The following FNDC7 variants were observed in gnomAD, a reference collection of about 807,000 sequenced individuals.
FNDC7 encodes the protein fibronectin type III domain-containing protein 7.
FNDC7 carries 66 observed loss-of-function variants against 74.2 expected under a neutral mutation model. That is an observed-to-expected ratio of 0.89 (90% CI 0.73 to 1.09). The LOEUF is 1.09. Among genes scored for constraint, FNDC7 ranks in the 50% least tolerant of loss-of-function variants. The pLI, the probability that FNDC7 is intolerant of heterozygous loss-of-function variation, is 0.00. For synonymous variants in FNDC7, 307 were observed against 330.2 expected, an observed-to-expected ratio of 0.93 and a Z score of 0.76; for missense variants, 829 against 893.4, an observed-to-expected ratio of 0.93 and a Z score of 0.92.
intron 5 of FNDC7, among the ~76,000 whole-genome samples, chr1:108,723,980 T>C (rs1661150260): frequency 2.0e-5 from 3 of 152,216 alleles, no homozygotes; most frequent in African/African-American, 7.2e-5. Flanking sequence ...GTCATGATCA[T>C]AGGGATGACC....
At chr1:108,714,205 A>G (rs1660927035) in intron 2 of FNDC7, among the ~76,000 whole-genome samples, 1 of 152,238 alleles carries the variant, frequency 6.6e-6, no homozygotes, top group Non-Finnish European at 1.5e-5. Flanking sequence ...AATATCAACC[A>G]TATCACCGAT....
At chr1:108,731,448 C>G (rs1327012479) in intron 9 of FNDC7, among the ~76,000 whole-genome samples, 2 of 152,222 alleles carry the variant, frequency 1.3e-5, no homozygotes, top group African/African-American at 2.4e-5. Context: ...AAAGTAAAAG[C>G]AGTGCAAGGT....
intron 8 of FNDC7, among the ~76,000 whole-genome samples, chr1:108,729,980 C>T (rs1191093856): frequency 6.6e-6 from 1 of 152,158 alleles, no homozygotes; most frequent in Non-Finnish European, 1.5e-5. Flanking sequence ...CAGTGATGTA[C>T]TATGAAATTT....
chr1:108,740,111 A>G (rs1438481949), intron 11 of FNDC7, among the ~76,000 whole-genome samples: 1 of 151,126 alleles, frequency 6.6e-6, no homozygotes, highest in East Asian at 1.9e-4. Flanking sequence ...CTAAGGTCAT[A>G]TGGAAGTCAT....
chr1:108,721,305 T>C (rs1292999729), intron 4 of FNDC7, among the ~76,000 whole-genome samples: 1 of 152,074 alleles, frequency 6.6e-6, no homozygotes, highest in Non-Finnish European at 1.5e-5. Flanking sequence ...CCGTCTCTAC[T>C]AAAAATACAA....
chr1:108,716,982 G>A (rs1401934583), intron 2 of FNDC7, among the ~76,000 whole-genome samples: 3 of 152,114 alleles, frequency 2.0e-5, no homozygotes, highest in Non-Finnish European at 4.4e-5. Flanking sequence ...TGATTACTGT[G>A]CTGTATCTCC....
intron 2 of FNDC7, among the ~76,000 whole-genome samples, chr1:108,716,122 G>A (rs1660968032): frequency 6.6e-6 from 1 of 152,148 alleles, no homozygotes; most frequent in African/African-American, 2.4e-5. Flanking sequence ...GTGAATGCAT[G>A]ATCCGGCCTC....
chr1:108,722,310 T>G, intron 4 of FNDC7, 25 bp from the exon 5 acceptor site: 2 of 1,548,420 alleles, frequency 1.3e-6, no homozygotes, highest in Non-Finnish European at 1.7e-6. Context: ...TACTACAAAA[T>G]CTTAATTGTT....
At chr1:108,715,301 G>A (rs1321486608) in intron 2 of FNDC7, among the ~76,000 whole-genome samples, 1 of 152,146 alleles carries the variant, frequency 6.6e-6, no homozygotes, top group East Asian at 1.9e-4. Context: ...TGACCAGAGT[G>A]GTTGGTTGCA....
rs28396738 is a variant in FNDC7, at chr1:108,714,883, G to T, written c.82+1354G>T. Among the ~76,000 whole-genome samples the T allele has an allele frequency of 8.5e-3, 1,294 of 152,068 alleles. 17 individuals carry two copies. The highest frequency in any genetic ancestry group is 0.029 in the African/African-American group (1,216 of 41,470). ...GCTGGGATTACAAGCGTGAGCCACC[G>T]CGCCCGGCCGGCTTCTTAAATAAGT... On this transcript the variant is annotated intron_variant, in intron 2 of 12. Coordinates refer to ENST00000370017, the MANE Select transcript of FNDC7 (RefSeq NM_001144937.3).
intron 11 of FNDC7, among the ~76,000 whole-genome samples, chr1:108,739,777 C>T (rs1020450421): frequency 6.6e-6 from 1 of 152,140 alleles, no homozygotes; most frequent in Non-Finnish European, 1.5e-5. Flanking sequence ...CACTAATGTC[C>T]TCTTTTCTGT....
At chr1:108,714,828 C>A (rs1660941030) in intron 2 of FNDC7, among the ~76,000 whole-genome samples, 1 of 151,898 alleles carries the variant, frequency 6.6e-6, no homozygotes, top group Admixed American at 6.6e-5. Flanking sequence ...CACCTGACCT[C>A]ATGATCCGCC....
At position 108,713,016 on chromosome 1, in the gene FNDC7, T is replaced by C. The variant is rs1382997305; in HGVS notation, c.63+20T>C. ...AAAATGGTGAGTTCATCATTCCAAC[T>C]ACCCACAACTATTTAGGGGAAAAAA... On this transcript the variant is annotated intron_variant, in intron 1 of 12. Coordinates refer to ENST00000370017, the MANE Select transcript of FNDC7 (RefSeq NM_001144937.3). 1 of 1,543,116 alleles carries C rather than the reference T, an allele frequency of 6.5e-7. No homozygotes were observed. Among genetic ancestry groups the C allele is most frequent in the Admixed American group, 2.0e-5 (1 of 50,484 alleles).
At chr1:108,722,997 G>A (rs1237300051) in intron 5 of FNDC7, among the ~76,000 whole-genome samples, 4 of 151,838 alleles carry the variant, frequency 2.6e-5, no homozygotes, top group Admixed American at 2.0e-4. Flanking sequence ...GAAAAAGATA[G>A]GATATTTCTA....
intron 1 of FNDC7, 116 bp from the exon 2 acceptor site, chr1:108,713,395 C>A: frequency 3.6e-6 from 3 of 842,680 alleles, no homozygotes; most frequent in Non-Finnish European, 3.9e-6. Flanking sequence ...TGAAAGACTG[C>A]TCACGTTAGA....
At chr1:108,732,845 C>T (rs193053515) in intron 9 of FNDC7, among the ~76,000 whole-genome samples, 7 of 152,168 alleles carry the variant, frequency 4.6e-5, no homozygotes, top group Non-Finnish European at 2.9e-5. Flanking sequence ...ACAATCATAG[C>T]TCACAGCAGC....
At chr1:108,729,276 A>G (rs529480346) in intron 8 of FNDC7, among the ~76,000 whole-genome samples, 2 of 152,316 alleles carry the variant, frequency 1.3e-5, no homozygotes, top group South Asian at 2.1e-4. Context: ...TCTGGCCAGC[A>G]TGGTGGCTCA....
In FNDC7 at chr1:108,733,523, AT is replaced by A. The variant is rs1397256322; in HGVS notation, c.2132del (p.Ile711AsnfsTer4). ...GLKLTFCPKK[I>X]YSVTCSGSTL... is the part of the protein sequence containing the mutation. ...GAAGCTTACTTTCTGTCCAAAAAAA[AT>A]ATATTCAGGTAAAGCAAGTTATGAC... On this transcript the variant is annotated frameshift_variant, in exon 10 of 13. Transcript: ENST00000370017. LOFTEE classifies it high-confidence loss of function. The A allele has an allele frequency of 1.9e-6, 3 of 1,612,250 alleles. No homozygotes were observed. The highest frequency in any genetic ancestry group is 1.3e-5 in the African/African-American group (1 of 74,918).
chr1:108,735,321 G>A (rs1316929521), intron 10 of FNDC7, among the ~76,000 whole-genome samples: 1 of 152,072 alleles, frequency 6.6e-6, no homozygotes, highest in Non-Finnish European at 1.5e-5. Flanking sequence ...CCTCACTCCA[G>A]CCTCTGTAAT....
Sources: gnomAD v4.1 joint callset for allele counts (sites outside exome capture counted in the v4.1 genomes callset) on GRCh38, gnomAD v4.1.1 for gene constraint, MANE v1.5 for transcripts, NCBI Gene and HGNC (gene_info 2026-07-23, HGNC 2026-07-21) for gene names.